The following HS6ST3 variants were observed in gnomAD, a reference collection of about 807,000 sequenced individuals.
HS6ST3 encodes heparan sulfate 6-O-sulfotransferase 3.
A neutral mutation model predicts 36.7 loss-of-function variants in HS6ST3; 12 were observed. The observed-to-expected ratio is 0.33, with a 90% confidence interval of 0.21 to 0.53. The LOEUF (loss-of-function observed/expected upper bound fraction) is 0.53. Ranked by LOEUF, HS6ST3 falls within the 20% of genes least tolerant of loss-of-function variation. The probability of loss-of-function intolerance (pLI) is 0.95; values close to 1 mark genes in which losing one functional copy is unlikely to be tolerated. For synonymous variants in HS6ST3, 240 were observed against 257.5 expected, an observed-to-expected ratio of 0.93 and a Z score of 0.65; for missense variants, 584 against 640.9, an observed-to-expected ratio of 0.91 and a Z score of 0.96.
chr13:96,197,955 C>A (rs1322491590), intron 1 of HS6ST3, among the ~76,000 whole-genome samples: 1 of 152,188 alleles, frequency 6.6e-6, no homozygotes, highest in Non-Finnish European at 1.5e-5. Context: ...TCTGCACTGG[C>A]CTAACAGAGG....
At chr13:96,163,298 C>T (rs1428020277) in intron 1 of HS6ST3, among the ~76,000 whole-genome samples, 3 of 139,716 alleles carry the variant, frequency 2.1e-5, no homozygotes, top group African/African-American at 5.4e-5. Context: ...GGTGCCATCT[C>T]GGCTCACTGC....
intron 1 of HS6ST3, among the ~76,000 whole-genome samples, chr13:96,380,179 T>C (rs143202297): frequency 0.016 from 2,446 of 152,254 alleles, 48 homozygotes; most frequent in South Asian, 0.05. Flanking sequence ...TTTCAGTTGA[T>C]TGACCTTGTG....
At chr13:96,359,211 C>T (rs972324402) in intron 1 of HS6ST3, among the ~76,000 whole-genome samples, 1 of 152,044 alleles carries the variant, frequency 6.6e-6, no homozygotes, top group Non-Finnish European at 1.5e-5. Flanking sequence ...GAAACAAATA[C>T]ATTATGATTG....
In HS6ST3 at chr13:96,395,706, G is replaced by A. The variant is rs143894562; in HGVS notation, c.707+304137G>A. ...CCTCTCCGCTCCCAGTTTCAGTAGGGTTGAATCCTTGAGGACAGAATTTAA... is the reference window on the plus strand; with the variant it reads ...CCTCTCCGCTCCCAGTTTCAGTAGGATTGAATCCTTGAGGACAGAATTTAA... On this transcript the variant is annotated intron_variant, in intron 1 of 1. Coordinates refer to ENST00000376705, the MANE Select transcript of HS6ST3 (RefSeq NM_153456.4). Among the ~76,000 whole-genome samples the A allele has an allele frequency of 3.3e-4, 51 of 152,258 alleles. No homozygotes were observed. The East Asian group carries it at 9.5e-3, about 28-fold the overall frequency.
intron 1 of HS6ST3, among the ~76,000 whole-genome samples, chr13:96,136,046 C>G (rs1259354735): frequency 6.6e-6 from 1 of 152,120 alleles, no homozygotes; most frequent in African/African-American, 2.4e-5. Context: ...TCCCAACACA[C>G]ATTCAGGTGT....
At chr13:96,548,215 A>T (rs895453555) in intron 1 of HS6ST3, among the ~76,000 whole-genome samples, 2 of 152,184 alleles carry the variant, frequency 1.3e-5, no homozygotes, top group Middle Eastern at 3.4e-3. Context: ...TCCTCACATG[A>T]TGACCAAACC....
chr13:96,370,862 C>T (rs1385735057), intron 1 of HS6ST3, among the ~76,000 whole-genome samples: 1 of 152,130 alleles, frequency 6.6e-6, no homozygotes, highest in Non-Finnish European at 1.5e-5. Context: ...CGTGCCATTG[C>T]ACTCCAGCCT....
chr13:96,754,402 G>T (rs1876774460), intron 1 of HS6ST3, among the ~76,000 whole-genome samples: 1 of 152,126 alleles, frequency 6.6e-6, no homozygotes, highest in Non-Finnish European at 1.5e-5. Context: ...AAACATTACA[G>T]ATTATATTTA....
intron 1 of HS6ST3, among the ~76,000 whole-genome samples, chr13:96,097,519 T>C (rs2053797290): frequency 1.3e-5 from 2 of 152,324 alleles, no homozygotes; most frequent in East Asian, 1.9e-4. Flanking sequence ...TAGTAATCAC[T>C]TATCTTGTTT....
intron 1 of HS6ST3, among the ~76,000 whole-genome samples, chr13:96,369,925 CCTG>C (rs905451516): frequency 6.6e-6 from 1 of 151,606 alleles, no homozygotes; most frequent in African/African-American, 2.4e-5. Context: ...GGGTGAAATT[CCTG>C]ACAGTATAAT....
At chr13:96,329,055 A>AT (rs1469657184) in intron 1 of HS6ST3, among the ~76,000 whole-genome samples, 3 of 149,078 alleles carry the variant, frequency 2.0e-5, no homozygotes, top group Non-Finnish European at 4.5e-5. Context: ...TATTGCATCT[A>AT]TTTGATTCTT....
intron 1 of HS6ST3, among the ~76,000 whole-genome samples, chr13:96,713,789 A>T (rs1221597614): frequency 6.6e-6 from 1 of 152,086 alleles, no homozygotes; most frequent in Non-Finnish European, 1.5e-5. Context: ...ATTAGTTTTT[A>T]TATGTAAATA....
At chr13:96,651,913 A>G (rs1475095697) in intron 1 of HS6ST3, among the ~76,000 whole-genome samples, 1 of 152,098 alleles carries the variant, frequency 6.6e-6, no homozygotes, top group Non-Finnish European at 1.5e-5. Flanking sequence ...AGAAGTCTTC[A>G]GTTAGTATAT....
chr13:96,130,923 T>C (rs2053972366), intron 1 of HS6ST3, among the ~76,000 whole-genome samples: 2 of 152,140 alleles, frequency 1.3e-5, no homozygotes, highest in Non-Finnish European at 2.9e-5. Context: ...GCCTTACCCA[T>C]TTTGCCAAAC....
At chr13:96,531,586 C>A (rs2056135443) in intron 1 of HS6ST3, among the ~76,000 whole-genome samples, 1 of 152,174 alleles carries the variant, frequency 6.6e-6, no homozygotes, top group South Asian at 2.1e-4. Context: ...AGAGGGTGGT[C>A]TGTGACCCAT....
chr13:96,422,273 C>T (rs1303559738), intron 1 of HS6ST3, among the ~76,000 whole-genome samples: 3 of 152,150 alleles, frequency 2.0e-5, no homozygotes, highest in Non-Finnish European at 2.9e-5. Flanking sequence ...GTAGTTTGGT[C>T]TTCAGTGGCC....
intron 1 of HS6ST3, among the ~76,000 whole-genome samples, chr13:96,114,793 T>C (rs986766105): frequency 6.6e-5 from 10 of 152,348 alleles, no homozygotes; most frequent in African/African-American, 2.2e-4. Context: ...CAAAACACCA[T>C]GCCCCCAGGC....
At position 96,658,268 on chromosome 13, in the gene HS6ST3, C is replaced by CTTTTTTTTTTT. The variant is rs71213623; in HGVS notation, c.708-174202_708-174192dup. Among the ~76,000 whole-genome samples, 137 of 76,136 alleles carry CTTTTTTTTTTT rather than the reference C, an allele frequency of 1.8e-3. 11 individuals are homozygous for CTTTTTTTTTTT. The highest frequency in any genetic ancestry group is 8.8e-3 in the East Asian group (17 of 1,938). 49.9% of individuals were successfully genotyped at this position (76,136 alleles called of 152,430 possible). On this transcript the variant is annotated intron_variant, in intron 1 of 1. Coordinates refer to ENST00000376705, the MANE Select transcript of HS6ST3 (RefSeq NM_153456.4). ...TTCTTCTTCTTCTTCTCTTCTTCTT[C>CTTTTTTTTTTT]TTTTTTTTTTTTTTTTTTTTTTTTT...
chr13:96,176,212 T>A (rs2054211979), intron 1 of HS6ST3, among the ~76,000 whole-genome samples: 1 of 152,176 alleles, frequency 6.6e-6, no homozygotes, highest in South Asian at 2.1e-4. Context: ...CAACCTTTCC[T>A]CACACAACTC....
Sources: gnomAD v4.1 joint callset for allele counts (sites outside exome capture counted in the v4.1 genomes callset) on GRCh38, gnomAD v4.1.1 for gene constraint, MANE v1.5 for transcripts, NCBI Gene and HGNC (gene_info 2026-07-23, HGNC 2026-07-21) for gene names.